The following PCDHGA5 variants were observed in gnomAD, a reference collection of about 807,000 sequenced individuals.
The protein encoded by PCDHGA5 is protocadherin gamma-A5.
Under a neutral mutation model 56.7 loss-of-function variants are expected in PCDHGA5, and 36 were observed. The ratio of observed to expected loss-of-function variants is 0.64; its 90% CI spans 0.49 to 0.84. The LOEUF (loss-of-function observed/expected upper bound fraction) is 0.84. PCDHGA5 is among the 40% of genes least tolerant of loss of function. PCDHGA5 has a pLI of 0.00. For missense variants in PCDHGA5, 1,305 were observed against 1,201.5 expected (o/e 1.09, Z -1.27); for synonymous variants, 563 against 520.2 (o/e 1.08, Z -1.12).
intron 1 of PCDHGA5, chr5:141,430,836 C>T: frequency 6.4e-7 from 1 of 1,558,936 alleles, no homozygotes; most frequent in South Asian, 1.2e-5. Context: ...CTGTGGGAGA[C>T]CGGATGCACC....
Position 141,387,739 on chromosome 5 carries a change from C to A in PCDHGA5, c.2421+20988C>A, listed in dbSNP as rs182945836. 5.0e-3 allele frequency: 6,618 copies of A among 1,328,550 alleles called. 35 individuals are homozygous for A. Among genetic ancestry groups the A allele is most frequent in the Admixed American group, 0.01 (369 of 36,562 alleles). The allele number at this position is 1,328,550 out of a possible 1,614,324, so 82.3% of individuals were successfully genotyped here. ...AGACTCCCCAGCGCCAGCCTTTACA[C>A]CGCTTCCTCCTCGGAAAAAGAAGAA... On this transcript the variant is annotated intron_variant, in intron 1 of 3. Transcript: ENST00000518069.
rs2233610 is a variant in PCDHGA5, at chr5:141,505,535, G to A, written c.2569+54G>A. ...AGTGGGAGACCTGGGGTTCTGGGGT[G>A]CATCTCACAGCCACCATGCCCACGG... is the stretch of plus-strand genomic sequence containing the variant. On this transcript the variant is annotated intron_variant, in intron 3 of 3. Transcript: ENST00000518069. 12 of 1,610,344 alleles carry A rather than the reference G, an allele frequency of 7.5e-6. No individual in the cohort carries two copies. The East Asian group carries it at 1.8e-4, about 24-fold the overall frequency.
At chr5:141,371,541 C>G in intron 1 of PCDHGA5, 1 of 1,613,764 alleles carries the variant, frequency 6.2e-7, no homozygotes, top group Non-Finnish European at 8.5e-7. Flanking sequence ...TGGAGAAATC[C>G]TATGCCAACT....
intron 1 of PCDHGA5, chr5:141,384,815 A>G (rs1780542398): frequency 5.6e-6 from 9 of 1,613,482 alleles, no homozygotes; most frequent in East Asian, 2.2e-5. Flanking sequence ...GATGCCCTCA[A>G]GCAGAGCCTC....
intron 1 of PCDHGA5, chr5:141,396,761 A>G (rs2093430785): frequency 6.6e-6 from 1 of 152,352 alleles, no homozygotes; most frequent in African/African-American, 2.4e-5. Context: ...GACCCAATAA[A>G]TGTTTGTTAT....
chr5:141,371,934 G>A (rs1024560538), intron 1 of PCDHGA5: 3 of 1,613,324 alleles, frequency 1.9e-6, no homozygotes, highest in Admixed American at 3.3e-5. Context: ...GAGCGGGGTG[G>A]TGTTCGCGCA....
rs756525217 is a variant in PCDHGA5, at chr5:141,402,958, A to T, written c.2421+36207A>T. On this transcript the variant is annotated intron_variant, in intron 1 of 3. Coordinates refer to ENST00000518069, the MANE Select transcript of PCDHGA5 (RefSeq NM_018918.3). Reference sequence around the variant, plus strand: ...AATTCCAAAGCGAGGCAGCAATGGCAGCTCCAACCAAATGCCAGCTCCGCG... The same window carrying T: ...AATTCCAAAGCGAGGCAGCAATGGCTGCTCCAACCAAATGCCAGCTCCGCG... 48 of 1,602,110 alleles carry T rather than the reference A, an allele frequency of 3.0e-5. 1 individual carries two copies. The highest frequency in any genetic ancestry group is 8.5e-7 in the Non-Finnish European group (1 of 1,173,862).
At chr5:141,413,626 G>T (rs757785567) in intron 1 of PCDHGA5, 24 of 1,613,680 alleles carry the variant, frequency 1.5e-5, no homozygotes, top group Non-Finnish European at 1.7e-5. Context: ...TGAAAATGTC[G>T]CTGCGGGAAT....
At chr5:141,389,926 A>G (rs1442843006) in intron 1 of PCDHGA5, 2 of 1,613,766 alleles carry the variant, frequency 1.2e-6, no homozygotes, top group Non-Finnish European at 1.7e-6. Context: ...GACCCCTCTG[A>G]CCTCCAGGCT....
intron 1 of PCDHGA5, among the ~76,000 whole-genome samples, chr5:141,435,395 C>T (rs946113643): frequency 5.3e-5 from 8 of 152,198 alleles, no homozygotes; most frequent in East Asian, 3.9e-4. Context: ...ATTGCCATGA[C>T]GAAAAATGGT....
chr5:141,491,549 A>T lies in PCDHGA5; in HGVS notation c.2422-3258A>T, dbSNP rs748281587. 18 of 1,613,860 alleles carry T rather than the reference A, an allele frequency of 1.1e-5. No homozygotes were observed. In the East Asian group the frequency reaches 3.8e-4, roughly 34 times the overall value. On this transcript the variant is annotated intron_variant, in intron 1 of 3. Coordinates refer to ENST00000518069, the MANE Select transcript of PCDHGA5 (RefSeq NM_018918.3). This position sits in a 1 kb window ranked among gnomAD's most constrained non-coding sequence, Gnocchi z 6.9. Reference sequence around the variant, plus strand: ...GTGACGCTGCGGCCCACAGACTCGCAGAGCCACTGCTACAGGACGTGCTTT... The same window carrying T: ...GTGACGCTGCGGCCCACAGACTCGCTGAGCCACTGCTACAGGACGTGCTTT...
Position 141,393,720 on chromosome 5 carries a change from A to T in PCDHGA5, c.2421+26969A>T, listed in dbSNP as rs371093729. ...TAATGAAAATACTGGGGAAATATCA[A>T]TAGCAAAAAGTCTAGATTATGAAGA... On this transcript the variant is annotated intron_variant, in intron 1 of 3. Transcript: ENST00000518069. 5.0e-6 allele frequency: 8 copies of T among 1,613,888 alleles called. No homozygotes were observed. The South Asian group carries it at 8.8e-5, about 18-fold the overall frequency.
rs1342473418 is a variant in PCDHGA5, at chr5:141,477,702, A to G, written c.2422-17105A>G. On this transcript the variant is annotated intron_variant, in intron 1 of 3. Transcript: ENST00000518069. The surrounding 1 kb of genome is among the most constrained non-coding windows in gnomAD (Gnocchi z 4.9). Reference sequence around the variant, plus strand: ...TCCTTAGTGCCCCTAGACTATGAGGATCGGCGGGAATTTGAATTAACAGCT... The same window carrying G: ...TCCTTAGTGCCCCTAGACTATGAGGGTCGGCGGGAATTTGAATTAACAGCT... The G allele has an allele frequency of 1.9e-6, 3 of 1,613,924 alleles. No individual in the cohort carries two copies. Among genetic ancestry groups the G allele is most frequent in the Non-Finnish European group, 2.5e-6 (3 of 1,180,044 alleles).
intron 1 of PCDHGA5, chr5:141,428,374 C>G: frequency 1.9e-6 from 1 of 530,640 alleles, no homozygotes; most frequent in South Asian, 1.9e-5. Context: ...CTTGCACCTG[C>G]GATGCTCTTC....
chr5:141,429,583 T>A (rs2097226045), intron 1 of PCDHGA5, among the ~76,000 whole-genome samples: 2 of 152,218 alleles, frequency 1.3e-5, no homozygotes, highest in South Asian at 4.1e-4. Flanking sequence ...TTACTTTTGA[T>A]TCTTGTAATT....
intron 1 of PCDHGA5, chr5:141,377,170 T>C (rs1773747669): frequency 1.3e-5 from 2 of 152,264 alleles, no homozygotes; most frequent in Non-Finnish European, 2.9e-5. Context: ...TTTACCTTTC[T>C]CTTCTTGGCA....
chr5:141,370,632 G>A (rs1393089776), intron 1 of PCDHGA5: 15 of 1,613,802 alleles, frequency 9.3e-6, no homozygotes, highest in Non-Finnish European at 1.3e-5. Context: ...CGTGAGCCCC[G>A]AAAATGGGAA....
chr5:141,414,690 G>A (rs377704657), intron 1 of PCDHGA5: 53 of 1,613,888 alleles, frequency 3.3e-5, no homozygotes, highest in Middle Eastern at 1.6e-4. Flanking sequence ...GGGTACCTCT[G>A]TCCTCATACA....
intron 1 of PCDHGA5, among the ~76,000 whole-genome samples, chr5:141,368,962 C>T (rs562789740): frequency 6.6e-6 from 1 of 152,310 alleles, no homozygotes; most frequent in South Asian, 2.1e-4. Context: ...GTTTAAGATG[C>T]TATAATGCTT....
Sources: allele counts gnomAD v4.1 joint callset (sites outside exome capture counted in the v4.1 genomes callset), GRCh38; gene constraint gnomAD v4.1.1; non-coding constraint Gnocchi (gnomAD v3.1); transcripts MANE v1.5; gene names NCBI Gene and HGNC (gene_info 2026-07-23, HGNC 2026-07-21).